Variants in ZNF138 observed in about 807,000 individuals in gnomAD.
The protein encoded by ZNF138 is zinc finger protein 138.
A neutral mutation model predicts 33.0 loss-of-function variants in ZNF138; 33 were observed. The ratio of observed to expected loss-of-function variants is 1.00; its 90% CI spans 0.76 to 1.34. ZNF138 has a LOEUF of 1.34. Ranked by LOEUF, ZNF138 falls within the 40% of genes most tolerant of loss-of-function variation. The pLI is 0.00. For missense variants in ZNF138, 360 were observed against 370.8 expected (o/e 0.97, Z 0.24); for synonymous variants, 139 against 120.4 (o/e 1.15, Z -1.01).
chr7:64,809,128 G>T (rs1322355096), intron 1 of ZNF138, among the ~76,000 whole-genome samples: 32 of 117,262 alleles, frequency 2.7e-4, no homozygotes, highest in African/African-American at 7.8e-4. Flanking sequence ...TGGTGGCCGG[G>T]CAGAGGGGCT....
the ZNF138 span, among the ~76,000 whole-genome samples, chr7:64,859,860 T>G: frequency 0.033 from 4,989 of 152,278 alleles, 275 homozygotes; most frequent in African/African-American, 0.11. Flanking sequence ...GATTATTGGC[T>G]GTGCACGGTG....
chr7:64,824,003 A>C (rs977144102), intron 3 of ZNF138, among the ~76,000 whole-genome samples: 2 of 152,216 alleles, frequency 1.3e-5, no homozygotes, highest in Non-Finnish European at 2.9e-5. Flanking sequence ...CCAGATGCAG[A>C]TAAGAATATT....
intron 1 of ZNF138, among the ~76,000 whole-genome samples, chr7:64,803,123 A>G (rs1017849652): frequency 3.9e-5 from 6 of 152,156 alleles, no homozygotes; most frequent in African/African-American, 1.4e-4. Context: ...CTTAAATTAT[A>G]TGTAGATTTT....
At chr7:64,800,993 T>C (rs115189294) in intron 1 of ZNF138, among the ~76,000 whole-genome samples, 2,186 of 152,286 alleles carry the variant, frequency 0.014, 54 homozygotes, top group African/African-American at 0.05. Context: ...TAGACTTCAA[T>C]AGTTATTTGT....
intron 3 of ZNF138, among the ~76,000 whole-genome samples, chr7:64,829,980 T>C (rs144884131): frequency 1.9e-3 from 288 of 152,254 alleles, no homozygotes; most frequent in African/African-American, 6.8e-3. Flanking sequence ...AATATACTTT[T>C]TCAGGATTTG....
chr7:64,838,585 G>A (rs995914453), downstream of ZNF138, among the ~76,000 whole-genome samples: 7 of 152,106 alleles, frequency 4.6e-5, no homozygotes, highest in African/African-American at 7.2e-5. Flanking sequence ...TACCTCAGCC[G>A]CCTCCTCTCG....
intron 1 of ZNF138, among the ~76,000 whole-genome samples, chr7:64,803,397 T>G (rs1366541420): frequency 1.3e-5 from 2 of 151,990 alleles, no homozygotes; most frequent in African/African-American, 4.8e-5. Context: ...TGATGAAGAC[T>G]AAAAGATACC....
intron 1 of ZNF138, among the ~76,000 whole-genome samples, chr7:64,810,901 A>T (rs879471257): frequency 1.1e-4 from 16 of 152,260 alleles, no homozygotes; most frequent in Non-Finnish European, 2.1e-4. Flanking sequence ...ATAAATGGAA[A>T]AAATAAAGTA....
At chr7:64,808,511 A>C (rs914497984) in intron 1 of ZNF138, among the ~76,000 whole-genome samples, 5 of 152,290 alleles carry the variant, frequency 3.3e-5, no homozygotes, top group Middle Eastern at 3.4e-3. Flanking sequence ...GGGCCACTTT[A>C]TATTTTTGTA....
intron 3 of ZNF138, chr7:64,830,986 C>G: frequency 6.4e-7 from 1 of 1,551,588 alleles, no homozygotes; most frequent in Non-Finnish European, 8.7e-7. Flanking sequence ...TTTTGTCATT[C>G]CAAAGTATCC....
intron 1 of ZNF138, among the ~76,000 whole-genome samples, chr7:64,811,163 T>TA (rs1481745525): frequency 1.3e-5 from 2 of 152,090 alleles, no homozygotes; most frequent in Admixed American, 1.3e-4. Flanking sequence ...ACAAAAGAAA[T>TA]AAAAATGCTG....
At chr7:64,834,882 A>G (rs1365512142), downstream of ZNF138, among the ~76,000 whole-genome samples, 1 of 152,192 alleles carries the variant, frequency 6.6e-6, no homozygotes, top group Non-Finnish European at 1.5e-5. Flanking sequence ...ATGTAATAAA[A>G]TGCAGTACAG....
At chr7:64,836,916 C>T (rs544526167), downstream of ZNF138, 1 of 152,234 alleles carries the variant, frequency 6.6e-6, no homozygotes, top group South Asian at 2.1e-4. Context: ...GGAAAAAACC[C>T]AGTGAGAGGG....
chr7:64,804,468 C>T (rs1053128375), intron 1 of ZNF138, among the ~76,000 whole-genome samples: 11 of 152,240 alleles, frequency 7.2e-5, no homozygotes, highest in East Asian at 1.9e-4. Context: ...CTGAAGCTCC[C>T]GGCTGAATAA....
intron 3 of ZNF138, among the ~76,000 whole-genome samples, chr7:64,818,115 C>T (rs1056001070): frequency 6.6e-6 from 1 of 151,564 alleles, no homozygotes; most frequent in Admixed American, 6.6e-5. Flanking sequence ...TCCCAAGTAG[C>T]TGGGATAACA....
chr7:64,834,624 C>T (rs1746978442), downstream of ZNF138, among the ~76,000 whole-genome samples: 1 of 152,146 alleles, frequency 6.6e-6, no homozygotes, highest in Non-Finnish European at 1.5e-5. Context: ...TCAATTGTTG[C>T]TGCATCAAAG....
At chr7:64,794,915 C>T (rs1240247267) in intron 1 of ZNF138, among the ~76,000 whole-genome samples, 1 of 152,138 alleles carries the variant, frequency 6.6e-6, no homozygotes, top group Non-Finnish European at 1.5e-5. Flanking sequence ...GAAGAGGTTT[C>T]CTCCGCGGGC....
chr7:64,853,828 G>A, the ZNF138 span, among the ~76,000 whole-genome samples: 1 of 151,648 alleles, frequency 6.6e-6, no homozygotes, highest in Non-Finnish European at 1.5e-5. Context: ...TCAGTTTGCA[G>A]AGAAAGAAAC....
At chr7:64,812,635 ATTG>A (rs1277377210) in intron 1 of ZNF138, among the ~76,000 whole-genome samples, 1 of 152,114 alleles carries the variant, frequency 6.6e-6, no homozygotes, top group Non-Finnish European at 1.5e-5. Flanking sequence ...AGAGCAGCTT[ATTG>A]TTCTGAGTCT....
Sources: allele counts gnomAD v4.1 joint callset (sites outside exome capture counted in the v4.1 genomes callset), GRCh38; gene constraint gnomAD v4.1.1; transcripts MANE v1.5; gene names NCBI Gene and HGNC (gene_info 2026-07-23, HGNC 2026-07-21).